The following NEBL variants were observed in gnomAD, a reference collection of about 807,000 sequenced individuals.
NEBL encodes LIM and SH3 protein 2.
In NEBL, 122 loss-of-function variants were observed where a neutral mutation model predicts 140.2. The ratio of observed to expected loss-of-function variants is 0.87; its 90% CI spans 0.75 to 1.01. The LOEUF (loss-of-function observed/expected upper bound fraction) is 1.01. Ranked by LOEUF, NEBL falls within the 50% of genes least tolerant of loss-of-function variation. NEBL has a pLI of 0.00. For missense variants in NEBL, 1,365 were observed against 1,231.3 expected, an observed-to-expected ratio of 1.11 and a Z score of -1.62; for synonymous variants, 436 against 398.9, an observed-to-expected ratio of 1.09 and a Z score of -1.11.
chr10:21,180,537 T>G (rs1260225704), intron 3 of NEBL, among the ~76,000 whole-genome samples: 1 of 152,196 alleles, frequency 6.6e-6, no homozygotes, highest in Non-Finnish European at 1.5e-5. Flanking sequence ...TTTGCACAGG[T>G]AGACACAAGC....
intron 2 of NEBL, among the ~76,000 whole-genome samples, chr10:21,169,131 T>C (rs866198958): frequency 1.6e-5 from 2 of 125,940 alleles, no homozygotes; most frequent in Middle Eastern, 5.0e-3. Flanking sequence ...TAGATCAAAA[T>C]ATGAAGCAGC....
intron 4 of NEBL, among the ~76,000 whole-genome samples, chr10:20,937,104 G>T (rs1017378572): frequency 6.6e-6 from 1 of 152,074 alleles, no homozygotes; most frequent in African/African-American, 2.4e-5. Flanking sequence ...GCTTTCTCCT[G>T]CCCTACATGA....
intron 2 of NEBL, among the ~76,000 whole-genome samples, chr10:21,112,289 A>C (rs996255263): frequency 6.6e-6 from 1 of 152,228 alleles, no homozygotes; most frequent in Non-Finnish European, 1.5e-5. Flanking sequence ...ACACATGCAC[A>C]CATATGTTTA....
chr10:21,190,214 T>A (rs1462099612), intron 3 of NEBL, among the ~76,000 whole-genome samples: 1 of 152,192 alleles, frequency 6.6e-6, no homozygotes, highest in Non-Finnish European at 1.5e-5. Flanking sequence ...GCCTAGTGGC[T>A]TACGTCTGTA....
At chr10:21,191,676 C>T (rs911337179) in intron 3 of NEBL, among the ~76,000 whole-genome samples, 4 of 152,180 alleles carry the variant, frequency 2.6e-5, no homozygotes, top group African/African-American at 9.7e-5. Context: ...TGACCACACG[C>T]CCAAAGGCTT....
At chr10:20,970,374 C>G (rs745469130) in intron 3 of NEBL, among the ~76,000 whole-genome samples, 1 of 152,110 alleles carries the variant, frequency 6.6e-6, no homozygotes, top group Non-Finnish European at 1.5e-5. Flanking sequence ...CACAGTGGCT[C>G]ACATCTGTAA....
intron 1 of NEBL, among the ~76,000 whole-genome samples, chr10:21,288,820 G>GTGTGTGTATA (rs1477748950): frequency 2.9e-5 from 1 of 35,026 alleles, no homozygotes; most frequent in African/African-American, 9.7e-5. Context: ...GTGTGTGTGT[G>GTGTGTGTATA]TATATATATA....
At chr10:21,234,644 T>C (rs72800004) in intron 3 of NEBL, among the ~76,000 whole-genome samples, 1 of 152,050 alleles carries the variant, frequency 6.6e-6, no homozygotes, top group African/African-American at 2.4e-5. Context: ...TTAATCCCCC[T>C]CTCTCTGCTC....
At chr10:20,993,310 G>GTTGA (rs1238206550) in intron 3 of NEBL, among the ~76,000 whole-genome samples, 1 of 152,138 alleles carries the variant, frequency 6.6e-6, no homozygotes, top group Non-Finnish European at 1.5e-5. Context: ...TATGAATGAC[G>GTTGA]TTGATTTACT....
At chr10:20,992,770 T>A (rs866757915) in intron 3 of NEBL, among the ~76,000 whole-genome samples, 107 of 109,460 alleles carry the variant, frequency 9.8e-4, no homozygotes, top group African/African-American at 3.8e-3. Context: ...AAAGTCTTTT[T>A]TTTTTTTTTT....
chr10:21,253,696 AC>A (rs1842618562), intron 1 of NEBL, among the ~76,000 whole-genome samples: 1 of 151,908 alleles, frequency 6.6e-6, no homozygotes, highest in African/African-American at 2.4e-5. Flanking sequence ...GGTGCCTGCT[AC>A]CATGCCTGGC....
chr10:21,092,853 G>C (rs1231401762), intron 2 of NEBL, among the ~76,000 whole-genome samples: 1 of 151,982 alleles, frequency 6.6e-6, no homozygotes, highest in African/African-American at 2.4e-5. Context: ...ACCAGCTTAT[G>C]TTATCAGCTT....
chr10:21,287,426 C>T (rs942826931), intron 1 of NEBL, among the ~76,000 whole-genome samples: 3 of 152,110 alleles, frequency 2.0e-5, no homozygotes, highest in African/African-American at 7.2e-5. Flanking sequence ...GTCCTAGCTA[C>T]TTGGGAGGCT....
intron 2 of NEBL, among the ~76,000 whole-genome samples, chr10:20,894,534 G>T (rs1847280967): frequency 6.6e-6 from 1 of 151,580 alleles, no homozygotes; most frequent in African/African-American, 2.4e-5. Flanking sequence ...AGAGAAAAAG[G>T]AAAAAAATCT....
intron 1 of NEBL, among the ~76,000 whole-genome samples, chr10:21,257,109 T>A (rs1842667464): frequency 6.6e-6 from 1 of 152,220 alleles, no homozygotes; most frequent in Non-Finnish European, 1.5e-5. Context: ...ATACTTCTGC[T>A]CCTTTCTCAC....
At chr10:20,802,485 TG>T (rs1837212492) in intron 26 of NEBL, among the ~76,000 whole-genome samples, 1 of 152,186 alleles carries the variant, frequency 6.6e-6, no homozygotes. Flanking sequence ...GCAAACCCTT[TG>T]GTAACTTAAT....
chr10:20,978,886 T>C (rs1836915691), intron 3 of NEBL, among the ~76,000 whole-genome samples: 2 of 152,128 alleles, frequency 1.3e-5, no homozygotes, highest in Non-Finnish European at 2.9e-5. Flanking sequence ...AGTCTCCTCA[T>C]GCACAAGGAT....
At chr10:21,025,591 G>A (rs1838992350) in intron 2 of NEBL, among the ~76,000 whole-genome samples, 1 of 152,146 alleles carries the variant, frequency 6.6e-6, no homozygotes. Context: ...TAAGCAAATG[G>A]CAACCTCCAT....
chr10:21,094,920 T>C (rs954254377), intron 2 of NEBL, among the ~76,000 whole-genome samples: 1 of 152,148 alleles, frequency 6.6e-6, no homozygotes, highest in Non-Finnish European at 1.5e-5. Flanking sequence ...AGAAAATCCT[T>C]GGGCCAACAG....
Sources: allele counts gnomAD v4.1 joint callset (sites outside exome capture counted in the v4.1 genomes callset), GRCh38; gene constraint gnomAD v4.1.1; transcripts MANE v1.5; gene names NCBI Gene and HGNC (gene_info 2026-07-23, HGNC 2026-07-21).